Variants in KCNQ1OT1 observed in about 807,000 individuals in gnomAD.
The protein encoded by KCNQ1OT1 is KCNQ1 opposite strand/antisense transcript 1, also known as KCNQ1 antisense RNA 2 (non-protein coding).
chr11:2,699,009 C>A (rs747248245), exon 1 of KCNQ1OT1: 7 of 398,524 alleles, frequency 1.8e-5, no homozygotes, highest in Non-Finnish European at 2.7e-5. Flanking sequence ...CGGGCCCTGA[C>A]TCAGAACCAC....
chr11:2,663,023 C>A lies in KCNQ1OT1; in HGVS notation n.36972G>T. 2.5e-6 allele frequency: 1 copy of A among 398,718 alleles called. No individual in the cohort carries two copies. The highest frequency in any genetic ancestry group is 4.4e-6 in the Non-Finnish European group (1 of 226,142). The allele number at this position is 398,718 out of a possible 1,614,324, so 24.7% of individuals were successfully genotyped here. Reference sequence around the variant, plus strand: ...GCAAATCACTGAGGAAATCGGGACCCATGGTGCTGGGGGCTGCAGGTGTAA... The same window carrying A: ...GCAAATCACTGAGGAAATCGGGACCAATGGTGCTGGGGGCTGCAGGTGTAA... On this transcript the variant is annotated non_coding_transcript_exon_variant, in exon 1 of 1. Coordinates refer to ENST00000597346, the Ensembl canonical transcript of KCNQ1OT1. The surrounding 1 kb of genome is among the most constrained non-coding windows in gnomAD (Gnocchi z 5.2).
chr11:2,633,042 T>C, exon 1 of KCNQ1OT1: 1 of 398,506 alleles, frequency 2.5e-6, no homozygotes, highest in Non-Finnish European at 4.4e-6. Context: ...AAATAGTGTA[T>C]TATTTCCCTT....
chr11:2,639,373 C>A (rs11023583), exon 1 of KCNQ1OT1: 2 of 152,060 alleles, frequency 1.3e-5, no homozygotes, highest in African/African-American at 4.8e-5. Context: ...ATGATGGTGA[C>A]GTATAGATGG....
chr11:2,610,368 T>A (rs1055348413), exon 1 of KCNQ1OT1: 1 of 398,144 alleles, frequency 2.5e-6, no homozygotes, highest in African/African-American at 2.1e-5. Flanking sequence ...TAATGATATA[T>A]CTTTAAAGAA....
chr11:2,638,758 C>G (rs992029283), exon 1 of KCNQ1OT1: 1 of 152,170 alleles, frequency 6.6e-6, no homozygotes, highest in Non-Finnish European at 1.5e-5. Flanking sequence ...TGGATAATAT[C>G]CTGCCTTGCT....
chr11:2,632,037 GCCAGGCA>G, exon 1 of KCNQ1OT1: 1 of 396,244 alleles, frequency 2.5e-6, no homozygotes, highest in Non-Finnish European at 4.4e-6. Flanking sequence ...AAAAACATTA[GCCAGGCA>G]TAGCAGCGTG....
Position 2,613,198 on chromosome 11 carries a change from G to A in KCNQ1OT1, n.86797C>T, listed in dbSNP as rs1230230027. On this transcript the variant is annotated non_coding_transcript_exon_variant, in exon 1 of 1. Coordinates refer to ENST00000597346, the Ensembl canonical transcript of KCNQ1OT1. This position sits in a 1 kb window ranked among gnomAD's most constrained non-coding sequence, Gnocchi z 4.8. The stretch of plus-strand genomic sequence containing the variant: ...TTCAGGCACTTTATAACTCTGTCCT[G>A]TATTTTACTGTCTGCTTGCAAAAGG... The A allele has an allele frequency of 1.0e-5, 4 of 398,416 alleles. No homozygotes were observed. Among genetic ancestry groups the A allele is most frequent in the Non-Finnish European group, 1.8e-5 (4 of 226,058 alleles). 24.7% of individuals were successfully genotyped at this position (398,416 alleles called of 1,614,324 possible).
exon 1 of KCNQ1OT1, chr11:2,697,926 C>T (rs776496805): frequency 2.3e-5 from 9 of 398,546 alleles, no homozygotes; most frequent in Admixed American, 4.4e-5. Context: ...CTTTTCTCCT[C>T]AGCATGTTAG....
Position 2,651,224 on chromosome 11 carries a change from A to C in KCNQ1OT1, n.48771T>G. ...TGTCACCCTGTCTTGTGTCAGTCTC[A>C]CAGCACACACAGCTTAATTCAGGAA... On this transcript the variant is annotated non_coding_transcript_exon_variant, in exon 1 of 1. Transcript: ENST00000597346. This position sits in a 1 kb window ranked among gnomAD's most constrained non-coding sequence, Gnocchi z 6.1. The C allele has an allele frequency of 5.0e-6, 2 of 398,658 alleles. No homozygotes were observed. Among genetic ancestry groups the C allele is most frequent in the Admixed American group, 8.8e-5 (2 of 22,742 alleles). 24.7% of individuals were successfully genotyped at this position (398,658 alleles called of 1,614,324 possible). A position where few individuals can be genotyped will look rare whatever the true frequency, so the allele number is the denominator to read the frequency against.
At chr11:2,689,897 C>T in exon 1 of KCNQ1OT1, 1 of 398,790 alleles carries the variant, frequency 2.5e-6, no homozygotes, top group East Asian at 3.6e-5. Context: ...GGGGAAGGTT[C>T]CCACCTGCTC....
Position 2,642,085 on chromosome 11 carries a change from A to T in KCNQ1OT1, n.57910T>A, listed in dbSNP as rs1038644087. The T allele has an allele frequency of 5.0e-6, 2 of 398,230 alleles. No individual in the cohort carries two copies. The highest frequency in any genetic ancestry group is 4.1e-5 in the African/African-American group (2 of 48,616). 24.7% of individuals were successfully genotyped at this position (398,230 alleles called of 1,614,324 possible). ...ATCCAACTTTGTTATTTTTGCTCAGAATTGCTGTGGCTATTCCAGCTCTTT... is the reference window on the plus strand; with the variant it reads ...ATCCAACTTTGTTATTTTTGCTCAGTATTGCTGTGGCTATTCCAGCTCTTT... On this transcript the variant is annotated non_coding_transcript_exon_variant, in exon 1 of 1. Transcript: ENST00000597346. This position sits in a 1 kb window ranked among gnomAD's most constrained non-coding sequence, Gnocchi z 4.3.
At chr11:2,688,234 T>A (rs1332127131) in exon 1 of KCNQ1OT1, 3 of 398,652 alleles carry the variant, frequency 7.5e-6, no homozygotes, top group African/African-American at 2.1e-5. Context: ...TAGCCACTCA[T>A]ACAGGGCTGT....
exon 1 of KCNQ1OT1, chr11:2,618,109 A>G (rs1043680861): frequency 2.5e-6 from 1 of 398,348 alleles, no homozygotes; most frequent in African/African-American, 2.1e-5. Context: ...TGCCAGAGCC[A>G]TGTCGAGCTT....
rs1849169361 is a variant in KCNQ1OT1, at chr11:2,621,375, G to C, written n.78620C>G. On this transcript the variant is annotated non_coding_transcript_exon_variant, in exon 1 of 1. Transcript: ENST00000597346. This position sits in a 1 kb window ranked among gnomAD's most constrained non-coding sequence, Gnocchi z 5.7. ...TAAGAAATGTATGTTCCTGTCCTTT[G>C]CCAATTCAATTGGATTATTCGTTTT... is the stretch of plus-strand genomic sequence containing the variant. 1 of 398,390 alleles carries C rather than the reference G, an allele frequency of 2.5e-6. No homozygotes were observed. Among genetic ancestry groups the C allele is most frequent in the Non-Finnish European group, 4.4e-6 (1 of 226,036 alleles). 24.7% of individuals were successfully genotyped at this position (398,390 alleles called of 1,614,324 possible). A position where few individuals can be genotyped will look rare whatever the true frequency, so the allele number is the denominator to read the frequency against.
At chr11:2,697,292 C>A (rs778384129) in exon 1 of KCNQ1OT1, 3 of 398,444 alleles carry the variant, frequency 7.5e-6, no homozygotes, top group Admixed American at 8.8e-5. Context: ...AGTCGTAACA[C>A]CAAAATGTTT....
exon 1 of KCNQ1OT1, chr11:2,692,786 A>G: frequency 2.5e-6 from 1 of 398,656 alleles, no homozygotes. Context: ...TGTTTGACAA[A>G]TATTTCTTGA....
rs2133793112 is a variant in KCNQ1OT1, at chr11:2,612,922, A to G, written n.87073T>C. 5.0e-6 allele frequency: 2 copies of G among 398,540 alleles called. No homozygotes were observed. The highest frequency in any genetic ancestry group is 4.4e-6 in the Non-Finnish European group (1 of 226,058). The allele number at this position is 398,540 out of a possible 1,614,324, so 24.7% of individuals were successfully genotyped here. On this transcript the variant is annotated non_coding_transcript_exon_variant, in exon 1 of 1. Transcript: ENST00000597346. The surrounding 1 kb of genome is among the most constrained non-coding windows in gnomAD (Gnocchi z 5.5). ...CATTTATTTGTTTGCTCGCTTGTGT[A>G]TGCCTTCTCTGCATGGATTCTGCAG...
exon 1 of KCNQ1OT1, chr11:2,649,316 G>C: frequency 2.5e-6 from 1 of 397,846 alleles, no homozygotes; most frequent in Non-Finnish European, 4.4e-6. Flanking sequence ...CAATTTTTTG[G>C]TTTTCTGTAG....
At position 2,658,413 on chromosome 11, in the gene KCNQ1OT1, A is replaced by C. The variant is rs181380554; in HGVS notation, n.41582T>G. 9 of 398,504 alleles carry C rather than the reference A, an allele frequency of 2.3e-5. No homozygotes were observed. In the East Asian group the frequency reaches 2.8e-4, roughly 13 times the overall value. 24.7% of individuals were successfully genotyped at this position (398,504 alleles called of 1,614,324 possible). On this transcript the variant is annotated non_coding_transcript_exon_variant, in exon 1 of 1. Transcript: ENST00000597346. The surrounding 1 kb of genome is among the most constrained non-coding windows in gnomAD (Gnocchi z 4.9). ...CAATATTATTTATTTTGTTGCTCAA[A>C]TTGTTCAAGCTGTGGCCACTGGTGG... is the stretch of plus-strand genomic sequence containing the variant.
Sources: allele counts gnomAD v4.1 joint callset, GRCh38; gene constraint gnomAD v4.1.1; non-coding constraint Gnocchi (gnomAD v3.1); transcripts MANE v1.5; gene names NCBI Gene and HGNC (gene_info 2026-07-23, HGNC 2026-07-21).